KDM4C: variants seen among roughly 807,000 people sequenced by gnomAD.
KDM4C encodes the protein lysine demethylase 4C, also known as lysine-specific demethylase 4C.
A neutral mutation model predicts 129.3 loss-of-function variants in KDM4C; 81 were observed. That is an observed-to-expected ratio of 0.63 (90% CI 0.52 to 0.75). The LOEUF (loss-of-function observed/expected upper bound fraction) is 0.75. KDM4C is among the 30% of genes least tolerant of loss of function. The pLI is 0.00. For synonymous variants in KDM4C, 573 were observed against 456.1 expected (o/e 1.26, Z -3.26); for missense variants, 1,457 against 1,304.0 (o/e 1.12, Z -1.81).
At chr9:7,131,207 C>T (rs1840598212) in intron 19 of KDM4C, among the ~76,000 whole-genome samples, 1 of 152,122 alleles carries the variant, frequency 6.6e-6, no homozygotes, top group Admixed American at 6.5e-5. Flanking sequence ...TTCCCCGTTC[C>T]AGGCTCCTAG....
At position 6,888,682 on chromosome 9, in the gene KDM4C, G is replaced by A. The variant is rs548456681; in HGVS notation, c.783+619G>A. Among the ~76,000 whole-genome samples the A allele has an allele frequency of 2.0e-4, 30 of 152,028 alleles. No individual in the cohort carries two copies. The East Asian group carries it at 5.8e-3, about 29-fold the overall frequency. On this transcript the variant is annotated intron_variant, in intron 7 of 21. Coordinates refer to ENST00000381309, the MANE Select transcript of KDM4C (RefSeq NM_015061.6). ...ATGTGAAGCAGCTGATATGAAAAAA[G>A]GTTTTGACCAGATAAATAAAATCTC...
At chr9:6,927,850 C>CT (rs2131276471) in intron 8 of KDM4C, among the ~76,000 whole-genome samples, 1 of 152,332 alleles carries the variant, frequency 6.6e-6, no homozygotes, top group African/African-American at 2.4e-5. Flanking sequence ...ATTCTAATCA[C>CT]TATTTTGATC....
intron 18 of KDM4C, among the ~76,000 whole-genome samples, chr9:7,110,127 T>G (rs1483746715): frequency 6.6e-6 from 1 of 152,250 alleles, no homozygotes; most frequent in African/African-American, 2.4e-5. Flanking sequence ...CTAGACATCT[T>G]TGAAACTATC....
intron 5 of KDM4C, among the ~76,000 whole-genome samples, chr9:6,876,762 A>C (rs769820108): frequency 1.3e-5 from 2 of 152,152 alleles, no homozygotes; most frequent in Non-Finnish European, 2.9e-5. Context: ...TCACCTTCTT[A>C]CAGGCAAGGG....
At chr9:6,991,722 A>G (rs1296554302) in intron 12 of KDM4C, among the ~76,000 whole-genome samples, 1 of 152,108 alleles carries the variant, frequency 6.6e-6, no homozygotes, top group Admixed American at 6.5e-5. Flanking sequence ...CTTTTCACTT[A>G]TGTCCCATGT....
intron 13 of KDM4C, 126 bp downstream of exon 13, chr9:7,012,005 T>C: frequency 4.3e-6 from 3 of 701,044 alleles, no homozygotes; most frequent in Non-Finnish European, 7.1e-6. Flanking sequence ...CTTAGGTAGC[T>C]GATGGCTTTC....
At chr9:6,834,898 C>T in intron 4 of KDM4C, 1 of 1,257,690 alleles carries the variant, frequency 8.0e-7, no homozygotes, top group Non-Finnish European at 1.2e-6. Flanking sequence ...TTGGCTGTAC[C>T]ACTGGTACCG....
At position 6,803,806 on chromosome 9, in the gene KDM4C, G is replaced by A. The variant is rs114829132; in HGVS notation, c.145-1793G>A. On this transcript the variant is annotated intron_variant, in intron 2 of 21. Coordinates refer to ENST00000381309, the MANE Select transcript of KDM4C (RefSeq NM_015061.6). ...AATAGATCATGAATTGCTTCATGACGTTGTACGTTCTATTTTAATTTAATT... is the reference window on the plus strand; with the variant it reads ...AATAGATCATGAATTGCTTCATGACATTGTACGTTCTATTTTAATTTAATT... 5.9e-3 allele frequency among the ~76,000 whole-genome samples: 895 copies of A among 150,990 alleles called. 10 individuals carry two copies. The highest frequency in any genetic ancestry group is 0.021 in the African/African-American group (846 of 41,234).
chr9:6,909,604 G>A (rs1460515002), intron 8 of KDM4C, among the ~76,000 whole-genome samples: 2 of 151,754 alleles, frequency 1.3e-5, no homozygotes, highest in African/African-American at 4.8e-5. Context: ...TCTCCAGTTT[G>A]TATTTATGTA....
At chr9:6,748,961 G>C in intron 1 of KDM4C, 1 of 858,954 alleles carries the variant, frequency 1.2e-6, no homozygotes, top group South Asian at 1.3e-5. Context: ...GCACTTTCTG[G>C]CCCTGGCCAC....
At chr9:7,174,463 C>G (rs781324744) in intron 21 of KDM4C, 90 bp from the exon 22 acceptor site, 2 of 1,315,308 alleles carry the variant, frequency 1.5e-6, no homozygotes, top group Admixed American at 1.8e-5. Context: ...CATCTGCACC[C>G]TAACCCCAGC....
Position 6,986,629 on chromosome 9 carries a change from T to G in KDM4C, c.1640T>G (p.Val547Gly), listed in dbSNP as rs750686646. The change falls in exon 11 of 22, where the codon GTC (valine) becomes GGC (glycine). Residue 547 changes from valine to glycine, a missense_variant. Transcript: ENST00000381309. ...NGLEPGEIPA[V>G]PSGERNSFKV... ...CTTGAACCTGGGGAAATCCCAGCGG[T>G]CCCCAGTGGAGAGAGAAATAGCTTC... is the stretch of plus-strand genomic sequence containing the variant. 2 of 1,613,102 alleles carry G rather than the reference T, an allele frequency of 1.2e-6. No individual in the cohort carries two copies. The highest frequency in any genetic ancestry group is 1.7e-6 in the Non-Finnish European group (2 of 1,179,168).
chr9:7,008,126 G>T (rs572782482), intron 12 of KDM4C, among the ~76,000 whole-genome samples: 5 of 152,288 alleles, frequency 3.3e-5, no homozygotes, highest in South Asian at 2.1e-4. Context: ...ATCCCAGGCG[G>T]TACAGTGAGG....
chr9:6,764,542 C>T (rs1265400244), intron 1 of KDM4C, among the ~76,000 whole-genome samples: 6 of 152,170 alleles, frequency 3.9e-5, no homozygotes, highest in Admixed American at 1.3e-4. Context: ...GCAGTGAACA[C>T]AATAGACTGG....
At chr9:6,750,390 G>T (rs1031936624) in intron 1 of KDM4C, among the ~76,000 whole-genome samples, 2 of 150,792 alleles carry the variant, frequency 1.3e-5, no homozygotes, top group Non-Finnish European at 2.9e-5. Context: ...TGTGAGCCGA[G>T]ATCGTGTCAT....
chr9:7,046,903 A>G lies in KDM4C; in HGVS notation c.2301A>G (p.Gln767=). Reference sequence around the variant, plus strand: ...ATTTGAGAGGAGGTGCTCTTAAGCAAACGAAGAACAATAAGTAAGTAATAC... The same window carrying G: ...ATTTGAGAGGAGGTGCTCTTAAGCAGACGAAGAACAATAAGTAAGTAATAC... The part of the protein sequence containing the change: ...LCNLRGGALK[Q]TKNNKWAHVM... Residue 767 remains glutamine, a synonymous_variant, in exon 16 of 22, where the codon CAA becomes CAG. Coordinates refer to ENST00000381309, the MANE Select transcript of KDM4C (RefSeq NM_015061.6). 1 of 1,597,264 alleles carries G rather than the reference A, an allele frequency of 6.3e-7. No homozygotes were observed. The highest frequency in any genetic ancestry group is 8.6e-7 in the Non-Finnish European group (1 of 1,165,296).
intron 5 of KDM4C, among the ~76,000 whole-genome samples, chr9:6,857,760 T>C (rs551192168): frequency 1.3e-5 from 2 of 151,692 alleles, no homozygotes; most frequent in East Asian, 3.9e-4. Flanking sequence ...CTGTACTTTT[T>C]TTTTTTTTTT....
chr9:7,169,883 C>A lies in KDM4C; in HGVS notation c.2987C>A (p.Ala996Asp). 1 of 1,613,946 alleles carries A rather than the reference C, an allele frequency of 6.2e-7. No individual in the cohort carries two copies. The highest frequency in any genetic ancestry group is 1.1e-5 in the South Asian group (1 of 91,070). ...GAAGAGTTACCCAAGAGAGTGAAAGCTCGATTTGTAAGTGCTGGCAGATGC... is the reference window on the plus strand; with the variant it reads ...GAAGAGTTACCCAAGAGAGTGAAAGATCGATTTGTAAGTGCTGGCAGATGC... The part of the protein sequence containing the change: ...LDEELPKRVK[A>D]RFSTASDMRF... Residue 996 changes from alanine (A) to aspartate (D), a missense_variant, in exon 21 of 22, where the codon GCT becomes GAT. Coordinates refer to ENST00000381309, the MANE Select transcript of KDM4C (RefSeq NM_015061.6).
intron 12 of KDM4C, among the ~76,000 whole-genome samples, chr9:7,001,206 A>T (rs1820661233): frequency 6.6e-6 from 1 of 152,172 alleles, no homozygotes; most frequent in African/African-American, 2.4e-5. Context: ...TAAATTCTGG[A>T]TTGATATTCC....
Sources: allele counts gnomAD v4.1 joint callset (sites outside exome capture counted in the v4.1 genomes callset), GRCh38; gene constraint gnomAD v4.1.1; transcripts MANE v1.5; gene names NCBI Gene and HGNC (gene_info 2026-07-23, HGNC 2026-07-21).